TBC1D22A: variants seen among roughly 807,000 people sequenced by gnomAD.
The protein encoded by TBC1D22A is putative GTPase activator.
Under a neutral mutation model 60.2 loss-of-function variants are expected in TBC1D22A, and 38 were observed. The ratio of observed to expected loss-of-function variants is 0.63; its 90% confidence interval spans 0.49 to 0.83. The LOEUF (loss-of-function observed/expected upper bound fraction) is 0.83. TBC1D22A is among the 40% of genes least tolerant of loss of function. TBC1D22A has a pLI of 0.00. For missense variants in TBC1D22A, 628 were observed against 701.0 expected (o/e 0.90, Z 1.18); for synonymous variants, 302 against 281.7 (o/e 1.07, Z -0.72).
intron 10 of TBC1D22A, among the ~76,000 whole-genome samples, chr22:47,013,578 C>G (rs906869841): frequency 2.0e-5 from 3 of 152,288 alleles, no homozygotes; most frequent in South Asian, 2.1e-4. Flanking sequence ...TTTAAGGAAC[C>G]AGTGTCCCTC....
chr22:46,834,755 A>T (rs1001890717), intron 4 of TBC1D22A, among the ~76,000 whole-genome samples: 1 of 152,114 alleles, frequency 6.6e-6, no homozygotes, highest in Non-Finnish European at 1.5e-5. Context: ...ATTTCATAGG[A>T]TCTGTTTGCT....
At chr22:47,145,600 C>G (rs911765485) in intron 12 of TBC1D22A, among the ~76,000 whole-genome samples, 3 of 152,190 alleles carry the variant, frequency 2.0e-5, no homozygotes, top group African/African-American at 7.2e-5. Context: ...AAAGGGCTGT[C>G]CTGGAGGCAT....
chr22:47,126,404 C>T (rs150056714), intron 12 of TBC1D22A, among the ~76,000 whole-genome samples: 20 of 152,338 alleles, frequency 1.3e-4, no homozygotes, highest in African/African-American at 4.3e-4. Flanking sequence ...AGGTGGCCCA[C>T]GCTTCCCTCT....
At chr22:46,839,368 C>T (rs148857267) in intron 4 of TBC1D22A, among the ~76,000 whole-genome samples, 2 of 149,280 alleles carry the variant, frequency 1.3e-5, no homozygotes, top group African/African-American at 2.5e-5. Context: ...AGTGCAGTGG[C>T]GTGATCTCGG....
chr22:47,047,316 G>A (rs1022055010), intron 11 of TBC1D22A, among the ~76,000 whole-genome samples: 1 of 152,230 alleles, frequency 6.6e-6, no homozygotes, highest in Non-Finnish European at 1.5e-5. Context: ...TATTAAATAC[G>A]AATCATACAT....
rs2087605259 is a variant in TBC1D22A, at chr22:46,857,030, C to T, written c.638-21623C>T. 2.0e-5 allele frequency among the ~76,000 whole-genome samples: 3 copies of T among 152,246 alleles called. No individual in the cohort carries two copies. The South Asian group carries it at 6.2e-4, about 31-fold the overall frequency. Reference sequence around the variant, plus strand: ...CTTGCTTGATGAAGACTGGAGTGTTCCCTGGAATGCCTGTGTCTCCCATGT... The same window carrying T: ...CTTGCTTGATGAAGACTGGAGTGTTTCCTGGAATGCCTGTGTCTCCCATGT... On this transcript the variant is annotated intron_variant, in intron 4 of 12. Coordinates refer to ENST00000337137, the MANE Select transcript of TBC1D22A (RefSeq NM_014346.5).
At chr22:47,152,561 G>A (rs560591759) in intron 12 of TBC1D22A, among the ~76,000 whole-genome samples, 3 of 152,352 alleles carry the variant, frequency 2.0e-5, no homozygotes, top group East Asian at 1.9e-4. Context: ...TGGTCCTGAC[G>A]AGGCTGTCGC....
At chr22:46,978,471 CCTT>C (rs987596119) in intron 9 of TBC1D22A, among the ~76,000 whole-genome samples, 5 of 152,146 alleles carry the variant, frequency 3.3e-5, no homozygotes, top group Admixed American at 1.3e-4. Flanking sequence ...TTGTAAATCT[CCTT>C]AATGTCTAAC....
At chr22:46,954,124 A>G (rs982070571) in intron 8 of TBC1D22A, among the ~76,000 whole-genome samples, 5 of 152,152 alleles carry the variant, frequency 3.3e-5, no homozygotes, top group African/African-American at 1.2e-4. Flanking sequence ...CACAGGGCCC[A>G]TAGGCACTAG....
chr22:46,839,589 A>G (rs1161361689), intron 4 of TBC1D22A, among the ~76,000 whole-genome samples: 1 of 152,226 alleles, frequency 6.6e-6, no homozygotes, highest in Admixed American at 6.5e-5. Flanking sequence ...AAAAGAAGAA[A>G]AACAATCCTA....
At chr22:47,010,399 G>A (rs1413272281) in intron 10 of TBC1D22A, among the ~76,000 whole-genome samples, 5 of 152,228 alleles carry the variant, frequency 3.3e-5, no homozygotes, top group Non-Finnish European at 7.3e-5. Context: ...AAATGATAGT[G>A]ATATTTCATC....
chr22:46,913,284 A>C (rs1212921887), intron 8 of TBC1D22A: 1 of 1,327,786 alleles, frequency 7.5e-7, no homozygotes, highest in Non-Finnish European at 1.0e-6. Flanking sequence ...GTCTTCCTGC[A>C]AGCCTTCTGG....
intron 4 of TBC1D22A, among the ~76,000 whole-genome samples, chr22:46,801,451 C>T (rs553054237): frequency 1.9e-4 from 29 of 152,310 alleles, no homozygotes; most frequent in South Asian, 4.1e-4. Context: ...GTTTAGCTTA[C>T]GCTCTGTTAT....
chr22:46,958,727 G>C, intron 8 of TBC1D22A, among the ~76,000 whole-genome samples: 1 of 152,206 alleles, frequency 6.6e-6, no homozygotes, highest in East Asian at 1.9e-4. Flanking sequence ...AGCAGGCTTT[G>C]CTTCTTTTAA....
intron 10 of TBC1D22A, among the ~76,000 whole-genome samples, chr22:47,000,221 G>T (rs1205232868): frequency 6.6e-6 from 1 of 152,122 alleles, no homozygotes; most frequent in Non-Finnish European, 1.5e-5. Flanking sequence ...TCAAGCGGAA[G>T]TTTCAGCAGT....
At chr22:46,833,759 C>G (rs2086405946) in intron 4 of TBC1D22A, among the ~76,000 whole-genome samples, 1 of 152,112 alleles carries the variant, frequency 6.6e-6, no homozygotes, top group South Asian at 2.1e-4. Flanking sequence ...AAGGTGGTTC[C>G]AGAGCAGTGA....
intron 11 of TBC1D22A, among the ~76,000 whole-genome samples, chr22:47,075,167 G>A (rs2064152129): frequency 6.8e-6 from 1 of 146,820 alleles, no homozygotes; most frequent in Non-Finnish European, 1.5e-5. Flanking sequence ...AGCTTGCAGT[G>A]AGACGAGATC....
chr22:47,124,070 C>T (rs544683185), intron 12 of TBC1D22A, among the ~76,000 whole-genome samples: 4 of 152,218 alleles, frequency 2.6e-5, no homozygotes, highest in African/African-American at 7.2e-5. Flanking sequence ...CGCTTACTGC[C>T]GGATTAGGCC....
chr22:46,999,670 A>T (rs987004119), intron 10 of TBC1D22A, among the ~76,000 whole-genome samples: 4 of 151,932 alleles, frequency 2.6e-5, no homozygotes, highest in Non-Finnish European at 5.9e-5. Flanking sequence ...TTTTGCAGGG[A>T]TTGTAAAGAT....
Sources: gnomAD v4.1 joint callset for allele counts (sites outside exome capture counted in the v4.1 genomes callset) on GRCh38, gnomAD v4.1.1 for gene constraint, MANE v1.5 for transcripts, NCBI Gene and HGNC (gene_info 2026-07-23, HGNC 2026-07-21) for gene names.